Variants in CDC42SE2 observed in about 807,000 individuals in gnomAD.
CDC42SE2 encodes CDC42 small effector protein 2.
Under a neutral mutation model 11.5 loss-of-function variants are expected in CDC42SE2, and 3 were observed. The observed-to-expected ratio is 0.26, with a 90% CI of 0.12 to 0.67. The LOEUF (loss-of-function observed/expected upper bound fraction) is 0.67, where lower values mean the gene tolerates loss of function less well. CDC42SE2 is among the 30% of genes least tolerant of loss of function. CDC42SE2 has a pLI of 0.80. For missense variants in CDC42SE2, 82 were observed against 106.8 expected, an observed-to-expected ratio of 0.77 and a Z score of 1.02; for synonymous variants, 33 against 34.8, an observed-to-expected ratio of 0.95 and a Z score of 0.18.
chr5:131,217,283 A>G, the CDC42SE2 span, among the ~76,000 whole-genome samples: 1 of 152,210 alleles, frequency 6.6e-6, no homozygotes, highest in Non-Finnish European at 1.5e-5. Flanking sequence ...ACAAAGCCTA[A>G]ATTATTTACT....
intron 1 of CDC42SE2, among the ~76,000 whole-genome samples, chr5:131,291,315 AAC>A (rs1252021885): frequency 8.5e-5 from 13 of 152,268 alleles, no homozygotes; most frequent in African/African-American, 2.9e-4. Flanking sequence ...TGGTACCCTT[AAC>A]AAAACACAGG....
chr5:131,342,216 G>A (rs1313752837), intron 2 of CDC42SE2, among the ~76,000 whole-genome samples: 1 of 149,092 alleles, frequency 6.7e-6, no homozygotes, highest in East Asian at 2.0e-4. Flanking sequence ...GGGGGTGGAG[G>A]TTGCAGTGAG....
At chr5:131,368,022 G>C (rs1248939908) in intron 3 of CDC42SE2, among the ~76,000 whole-genome samples, 1 of 152,094 alleles carries the variant, frequency 6.6e-6, no homozygotes, top group Non-Finnish European at 1.5e-5. Flanking sequence ...GGGAGGCCGA[G>C]GAGGGTTGAT....
At chr5:131,373,067 G>T (rs1750055095) in intron 3 of CDC42SE2, among the ~76,000 whole-genome samples, 1 of 152,054 alleles carries the variant, frequency 6.6e-6, no homozygotes, top group Non-Finnish European at 1.5e-5. Flanking sequence ...TAAAGAGCTG[G>T]TCTCTTACCA....
At chr5:131,319,440 A>G (rs1233641086) in intron 2 of CDC42SE2, among the ~76,000 whole-genome samples, 1 of 152,176 alleles carries the variant, frequency 6.6e-6, no homozygotes, top group Non-Finnish European at 1.5e-5. Flanking sequence ...GATATCTAAT[A>G]TAGTTAGGCT....
chr5:131,386,677 G>A (rs1750496815), intron 4 of CDC42SE2, among the ~76,000 whole-genome samples: 3 of 152,320 alleles, frequency 2.0e-5, no homozygotes, highest in South Asian at 4.1e-4. Context: ...CCAAATGCGG[G>A]TTCTTATCAG....
chr5:131,370,198 A>T (rs1162558837), intron 3 of CDC42SE2, among the ~76,000 whole-genome samples: 2 of 152,344 alleles, frequency 1.3e-5, no homozygotes, highest in African/African-American at 4.8e-5. Flanking sequence ...GAGTTCAGAA[A>T]AATTATTTTA....
intron 2 of CDC42SE2, among the ~76,000 whole-genome samples, chr5:131,356,151 AC>A (rs1320129345): frequency 6.6e-6 from 1 of 151,990 alleles, no homozygotes; most frequent in Non-Finnish European, 1.5e-5. Context: ...GACCAGTCTG[AC>A]CCCTTAGTTA....
intron 1 of CDC42SE2, among the ~76,000 whole-genome samples, chr5:131,309,454 G>A (rs1351509764): frequency 6.6e-6 from 1 of 151,862 alleles, no homozygotes; most frequent in Non-Finnish European, 1.5e-5. Flanking sequence ...AATGATGCTG[G>A]CCTCATAAAA....
intron 3 of CDC42SE2, among the ~76,000 whole-genome samples, chr5:131,369,263 T>A (rs30733): frequency 0.43 from 65,236 of 152,098 alleles, 17,922 homozygotes; most frequent in African/African-American, 0.78. Flanking sequence ...AGATAGCTAA[T>A]TTTTATGTTC....
At chr5:131,270,846 G>T (rs114656392) in intron 1 of CDC42SE2, among the ~76,000 whole-genome samples, 2 of 152,038 alleles carry the variant, frequency 1.3e-5, no homozygotes, top group Non-Finnish European at 2.9e-5. Context: ...AGGAAGAGTC[G>T]TACTTAGTTG....
intron 3 of CDC42SE2, among the ~76,000 whole-genome samples, chr5:131,364,300 AT>A (rs201479434): frequency 0.013 from 2,023 of 152,334 alleles, 34 homozygotes; most frequent in African/African-American, 0.043. Context: ...TAAGTGCTGT[AT>A]AGGCACAAGT....
At chr5:131,376,243 A>C (rs990423332) in intron 3 of CDC42SE2, among the ~76,000 whole-genome samples, 15 of 152,096 alleles carry the variant, frequency 9.9e-5, no homozygotes, top group Non-Finnish European at 2.1e-4. Flanking sequence ...TCTCAAAAAA[A>C]AAAACAAAAA....
At chr5:131,283,218 C>T (rs551764553) in intron 1 of CDC42SE2, among the ~76,000 whole-genome samples, 108 of 152,190 alleles carry the variant, frequency 7.1e-4, no homozygotes, top group Non-Finnish European at 4.1e-4. Context: ...TGAGCCACTG[C>T]GCCTGGCCAA....
chr5:131,266,490 C>T (rs1436819222), intron 1 of CDC42SE2, among the ~76,000 whole-genome samples: 15 of 142,472 alleles, frequency 1.1e-4, no homozygotes, highest in Middle Eastern at 4.2e-3. Flanking sequence ...GACGAAGTCT[C>T]GCTCTGTCAC....
chr5:131,244,451 C>A (rs894672943), upstream of CDC42SE2, among the ~76,000 whole-genome samples: 3 of 152,214 alleles, frequency 2.0e-5, no homozygotes, highest in African/African-American at 4.8e-5. Flanking sequence ...TGGCTCACAC[C>A]TGTAATCCCA....
At chr5:131,337,104 T>C (rs1758585206) in intron 2 of CDC42SE2, among the ~76,000 whole-genome samples, 1 of 152,204 alleles carries the variant, frequency 6.6e-6, no homozygotes, top group Non-Finnish European at 1.5e-5. Flanking sequence ...TGGTTTTATC[T>C]ACTTTTGGTC....
chr5:131,222,805 C>T, the CDC42SE2 span, among the ~76,000 whole-genome samples: 1 of 152,292 alleles, frequency 6.6e-6, no homozygotes, highest in South Asian at 2.1e-4. Flanking sequence ...TTCTCAATAC[C>T]ATTCCCAGTG....
chr5:131,368,239 T>C lies in CDC42SE2; in HGVS notation c.54+8692T>C, dbSNP rs1014390551. ...CTGCACTCCAGCCTGGGCAATAGAGTGAGACTCCATCTCAAAAAAAAAAAA... is the reference window on the plus strand; with the variant it reads ...CTGCACTCCAGCCTGGGCAATAGAGCGAGACTCCATCTCAAAAAAAAAAAA... On this transcript the variant is annotated intron_variant, in intron 3 of 4. Coordinates refer to ENST00000505065, the MANE Select transcript of CDC42SE2 (RefSeq NM_001375635.1). Among the ~76,000 whole-genome samples, 179 of 108,848 alleles carry C rather than the reference T, an allele frequency of 1.6e-3. 1 individual carries two copies. Among genetic ancestry groups the C allele is most frequent in the African/African-American group, 6.6e-3 (169 of 25,756 alleles). 71.4% of individuals were successfully genotyped at this position (108,848 alleles called of 152,430 possible).
Sources: gnomAD v4.1 joint callset for allele counts (sites outside exome capture counted in the v4.1 genomes callset) on GRCh38, gnomAD v4.1.1 for gene constraint, MANE v1.5 for transcripts, NCBI Gene and HGNC (gene_info 2026-07-23, HGNC 2026-07-21) for gene names.